The following CADM2 variants were observed in gnomAD, a reference collection of about 807,000 sequenced individuals.
CADM2 encodes the protein cell adhesion molecule 2, also known as immunoglobulin superfamily member 4D.
Under a neutral mutation model 49.8 loss-of-function variants are expected in CADM2, and 12 were observed. The observed-to-expected ratio is 0.24, with a 90% confidence interval of 0.15 to 0.39. The LOEUF (loss-of-function observed/expected upper bound fraction) is 0.39, where lower values mean the gene tolerates loss of function less well. CADM2 is among the 10% of genes least tolerant of loss of function. The probability of loss-of-function intolerance (pLI) is 1.00; values close to 1 mark genes in which losing one functional copy is unlikely to be tolerated. For synonymous variants in CADM2, 214 were observed against 175.4 expected (o/e 1.22, Z -1.74); for missense variants, 378 against 492.3 (o/e 0.77, Z 2.20).
At chr3:85,349,583 T>C (rs1440654238) in intron 1 of CADM2, among the ~76,000 whole-genome samples, 1 of 152,234 alleles carries the variant, frequency 6.6e-6, no homozygotes, top group African/African-American at 2.4e-5. Flanking sequence ...TTACTTCATT[T>C]AGTTTACTTT....
At chr3:85,339,889 T>C (rs1040073338) in intron 1 of CADM2, among the ~76,000 whole-genome samples, 3 of 151,456 alleles carry the variant, frequency 2.0e-5, no homozygotes, top group African/African-American at 7.2e-5. Flanking sequence ...ACTCTTTAAT[T>C]TCTAAGATTT....
chr3:85,021,098 C>G (rs1328200977), intron 1 of CADM2, among the ~76,000 whole-genome samples: 1 of 98,266 alleles, frequency 1.0e-5, no homozygotes, highest in Admixed American at 1.5e-4. Flanking sequence ...GCCTGGGTGA[C>G]AGAGTGAGAC....
chr3:85,193,168 T>G, intron 1 of CADM2, among the ~76,000 whole-genome samples: 1 of 152,068 alleles, frequency 6.6e-6, no homozygotes, highest in Non-Finnish European at 1.5e-5. Context: ...ATGGGATATA[T>G]GAGACATTTT....
chr3:85,445,021 T>C (rs1300501855), intron 1 of CADM2, among the ~76,000 whole-genome samples: 1 of 152,134 alleles, frequency 6.6e-6, no homozygotes, highest in Non-Finnish European at 1.5e-5. Context: ...CTATCAACAA[T>C]GTCATCATTA....
At chr3:85,085,771 C>G (rs538753859) in intron 1 of CADM2, among the ~76,000 whole-genome samples, 11 of 152,134 alleles carry the variant, frequency 7.2e-5, no homozygotes, top group Non-Finnish European at 2.9e-5. Context: ...ACGAGTTGAC[C>G]CCATCCATGT....
chr3:85,586,727 T>A (rs2062956462), intron 1 of CADM2, among the ~76,000 whole-genome samples: 1 of 152,082 alleles, frequency 6.6e-6, no homozygotes, highest in African/African-American at 2.4e-5. Flanking sequence ...ATGGCTCAAT[T>A]TGACCACACA....
At chr3:85,403,376 A>G (rs556438918) in intron 1 of CADM2, among the ~76,000 whole-genome samples, 160 of 152,266 alleles carry the variant, frequency 1.1e-3, no homozygotes, top group Non-Finnish European at 1.8e-3. Context: ...TCTCAAGGGC[A>G]TTTCTTGCAC....
intron 3 of CADM2, among the ~76,000 whole-genome samples, chr3:85,860,336 A>G (rs957988866): frequency 1.3e-5 from 2 of 152,196 alleles, no homozygotes; most frequent in African/African-American, 4.8e-5. Context: ...GGAACATATA[A>G]TAAGATAAAT....
chr3:85,901,074 G>T (rs1471093654), intron 5 of CADM2, among the ~76,000 whole-genome samples: 1 of 152,182 alleles, frequency 6.6e-6, no homozygotes, highest in East Asian at 1.9e-4. Context: ...GTGCACACCT[G>T]TAATCCCAGC....
intron 3 of CADM2, among the ~76,000 whole-genome samples, chr3:85,814,692 C>T (rs1187980562): frequency 6.6e-6 from 1 of 151,952 alleles, no homozygotes; most frequent in Non-Finnish European, 1.5e-5. Context: ...GGAAATATCA[C>T]CACTGATCCC....
chr3:85,432,703 G>A (rs1370130401), intron 1 of CADM2, among the ~76,000 whole-genome samples: 3 of 152,092 alleles, frequency 2.0e-5, no homozygotes, highest in Non-Finnish European at 4.4e-5. Context: ...CTTTTGAAAT[G>A]TCAGTAACAT....
intron 2 of CADM2, among the ~76,000 whole-genome samples, chr3:85,731,916 TC>T (rs2107797781): frequency 6.6e-6 from 1 of 151,730 alleles, no homozygotes; most frequent in South Asian, 2.1e-4. Context: ...TTTGAAAATA[TC>T]ACTTAACTAC....
chr3:85,630,713 G>A (rs184271421), intron 1 of CADM2, among the ~76,000 whole-genome samples: 2 of 152,048 alleles, frequency 1.3e-5, no homozygotes, highest in East Asian at 3.9e-4. Context: ...AACTCAGTTG[G>A]CACAGTGTGT....
At chr3:85,727,711 G>C (rs567975534) in intron 2 of CADM2, among the ~76,000 whole-genome samples, 1 of 152,126 alleles carries the variant, frequency 6.6e-6, no homozygotes, top group Non-Finnish European at 1.5e-5. Context: ...ACCAGCTCCA[G>C]GGTACAGCAT....
intron 1 of CADM2, among the ~76,000 whole-genome samples, chr3:85,365,501 CAG>C (rs2032708468): frequency 6.6e-6 from 1 of 152,038 alleles, no homozygotes; most frequent in Non-Finnish European, 1.5e-5. Context: ...CCTTGGTTGA[CAG>C]AGAGATTACT....
At chr3:85,756,863 A>G (rs1577238335) in intron 2 of CADM2, among the ~76,000 whole-genome samples, 1 of 152,122 alleles carries the variant, frequency 6.6e-6, no homozygotes, top group East Asian at 1.9e-4. Context: ...TTATTTCCCA[A>G]AGCTGAAAAT....
intron 7 of CADM2, among the ~76,000 whole-genome samples, chr3:85,942,997 T>C (rs1239567264): frequency 6.6e-6 from 1 of 152,114 alleles, no homozygotes; most frequent in Non-Finnish European, 1.5e-5. Flanking sequence ...CCAGCACCTG[T>C]TGTTTCCTGA....
intron 2 of CADM2, among the ~76,000 whole-genome samples, chr3:85,798,582 T>A (rs566150142): frequency 6.6e-6 from 1 of 152,228 alleles, no homozygotes; most frequent in African/African-American, 2.4e-5. Flanking sequence ...TGGTTGTAGA[T>A]GTGTGGCATT....
chr3:85,796,568 G>A (rs778829912), intron 2 of CADM2, among the ~76,000 whole-genome samples: 4 of 152,104 alleles, frequency 2.6e-5, no homozygotes, highest in African/African-American at 9.7e-5. Flanking sequence ...AGGAGACAAA[G>A]CCTCTGATAT....
Sources: gnomAD v4.1 joint callset for allele counts (sites outside exome capture counted in the v4.1 genomes callset) on GRCh38, gnomAD v4.1.1 for gene constraint, MANE v1.5 for transcripts, NCBI Gene and HGNC (gene_info 2026-07-23, HGNC 2026-07-21) for gene names.